The following STPG2 variants were observed in gnomAD, a reference collection of about 807,000 sequenced individuals.
The protein encoded by STPG2 is sperm tail PG-rich repeat containing 2.
STPG2 carries 56 observed loss-of-function variants against 54.2 expected under a neutral mutation model. The ratio of observed to expected loss-of-function variants is 1.03; its 90% confidence interval spans 0.83 to 1.29. STPG2 has a LOEUF of 1.29. Among genes scored for constraint, STPG2 ranks in the 50% most tolerant of loss-of-function variants. The pLI, the probability that STPG2 is intolerant of heterozygous loss-of-function variation, is 0.00. For synonymous variants in STPG2, 200 were observed against 181.8 expected (o/e 1.10, Z -0.81); for missense variants, 596 against 544.9 (o/e 1.09, Z -0.93).
chr4:97,504,448 A>G (rs895816407), intron 4 of STPG2, among the ~76,000 whole-genome samples: 5 of 151,778 alleles, frequency 3.3e-5, no homozygotes, highest in Admixed American at 6.6e-5. Flanking sequence ...AATGTGGGGG[A>G]AAGGAACAGC....
At chr4:97,846,621 C>T (rs183947590) in intron 8 of STPG2, among the ~76,000 whole-genome samples, 177 of 106,008 alleles carry the variant, frequency 1.7e-3, no homozygotes, top group African/African-American at 7.1e-3. Flanking sequence ...GAGACTCCAC[C>T]TCAAAAAAAA....
At chr4:97,989,025 G>A (rs1003856144) in intron 5 of STPG2, among the ~76,000 whole-genome samples, 5 of 152,096 alleles carry the variant, frequency 3.3e-5, no homozygotes, top group African/African-American at 1.2e-4. Flanking sequence ...TAATACAGAA[G>A]TATCTTTTAT....
intron 10 of STPG2, among the ~76,000 whole-genome samples, chr4:97,705,164 T>C (rs2149001048): frequency 6.6e-6 from 1 of 152,094 alleles, no homozygotes; most frequent in East Asian, 1.9e-4. Flanking sequence ...ACAATAAGCT[T>C]GACAAGGATA....
chr4:98,018,670 C>G (rs935500497), intron 5 of STPG2, among the ~76,000 whole-genome samples: 4 of 151,404 alleles, frequency 2.6e-5, no homozygotes, highest in African/African-American at 9.7e-5. Context: ...CACATCCTCT[C>G]CAGCACCTAT....
intron 4 of STPG2, among the ~76,000 whole-genome samples, chr4:97,529,521 C>CT (rs1359856676): frequency 1.3e-5 from 2 of 152,074 alleles, no homozygotes; most frequent in Non-Finnish European, 2.9e-5. Flanking sequence ...AGGAGTCCCT[C>CT]TTTTTCTATT....
intron 10 of STPG2, among the ~76,000 whole-genome samples, chr4:97,627,574 T>G (rs1038432435): frequency 1.3e-5 from 2 of 152,124 alleles, no homozygotes; most frequent in African/African-American, 4.8e-5. Flanking sequence ...CTTGAATAGT[T>G]TTCCTATACA....
chr4:97,506,019 C>CAAAAAAA (rs59206485), intron 4 of STPG2, among the ~76,000 whole-genome samples: 2 of 16,930 alleles, frequency 1.2e-4, no homozygotes, highest in African/African-American at 2.0e-4. Context: ...AATAGGAGAC[C>CAAAAAAA]AAAAAAAAAA....
chr4:97,597,230 G>T (rs1412793736), intron 10 of STPG2, among the ~76,000 whole-genome samples: 1 of 152,000 alleles, frequency 6.6e-6, no homozygotes, highest in Non-Finnish European at 1.5e-5. Context: ...TTCCTGAACA[G>T]ACCAATAATG....
At chr4:97,683,995 A>T (rs774282251) in intron 10 of STPG2, among the ~76,000 whole-genome samples, 3 of 151,876 alleles carry the variant, frequency 2.0e-5, no homozygotes, top group Non-Finnish European at 3.0e-5. Flanking sequence ...ATTAAAACAC[A>T]ATGCCATTTA....
At chr4:97,900,656 C>G (rs1469110474) in intron 8 of STPG2, among the ~76,000 whole-genome samples, 2 of 151,880 alleles carry the variant, frequency 1.3e-5, no homozygotes, top group African/African-American at 4.8e-5. Context: ...ATTATTCTTA[C>G]CAAACTAACA....
At chr4:98,070,669 A>G (rs1737975836) in intron 5 of STPG2, among the ~76,000 whole-genome samples, 1 of 152,122 alleles carries the variant, frequency 6.6e-6, no homozygotes, top group African/African-American at 2.4e-5. Context: ...ACAAAGTCTC[A>G]GGATACAAAA....
At chr4:97,655,459 A>C (rs984822448) in intron 10 of STPG2, among the ~76,000 whole-genome samples, 6 of 152,112 alleles carry the variant, frequency 3.9e-5, no homozygotes, top group African/African-American at 1.4e-4. Context: ...ATATGATAGA[A>C]CTATTAAACA....
In STPG2 at chr4:97,899,507, T is replaced by C. The variant is rs377083763; in HGVS notation, c.1044+44390A>G. Among the ~76,000 whole-genome samples, 3 of 151,910 alleles carry C rather than the reference T, an allele frequency of 2.0e-5. No homozygotes were observed. The South Asian group carries it at 6.2e-4, about 31-fold the overall frequency. ...ACATGAAACCAAAAAAGAATCCAAA[T>C]AGCCAAGGTAATTCTAAGCAAAAAG... On this transcript the variant is annotated intron_variant, in intron 8 of 10. Transcript: ENST00000295268.
intron 10 of STPG2, among the ~76,000 whole-genome samples, chr4:97,708,974 AATAGATATT>A (rs1724033641): frequency 6.6e-6 from 1 of 151,788 alleles, no homozygotes; most frequent in Non-Finnish European, 1.5e-5. Context: ...GTACTACTTG[AATAGATATT>A]TAAATGAAAC....
At chr4:97,857,723 C>T (rs182175832) in intron 8 of STPG2, among the ~76,000 whole-genome samples, 9 of 151,862 alleles carry the variant, frequency 5.9e-5, no homozygotes, top group Non-Finnish European at 1.0e-4. Context: ...CCCGGAAAAA[C>T]AGAGATATAT....
intron 8 of STPG2, among the ~76,000 whole-genome samples, chr4:97,858,725 T>C (rs1729413689): frequency 6.6e-6 from 1 of 152,184 alleles, no homozygotes; most frequent in Non-Finnish European, 1.5e-5. Context: ...TGAATGCCAT[T>C]ATTTCATTTC....
At chr4:97,809,098 T>C (rs1727660279) in intron 9 of STPG2, among the ~76,000 whole-genome samples, 1 of 152,052 alleles carries the variant, frequency 6.6e-6, no homozygotes, top group Non-Finnish European at 1.5e-5. Flanking sequence ...CATCTACAAC[T>C]GATAATTTAA....
intron 3 of STPG2, among the ~76,000 whole-genome samples, chr4:98,123,633 C>T (rs1036708313): frequency 1.3e-5 from 2 of 152,092 alleles, no homozygotes; most frequent in Admixed American, 1.3e-4. Context: ...AGATAAAGTG[C>T]CATGTAGTGC....
At chr4:97,886,146 T>C (rs1299104264) in intron 8 of STPG2, among the ~76,000 whole-genome samples, 1 of 152,142 alleles carries the variant, frequency 6.6e-6, no homozygotes, top group Non-Finnish European at 1.5e-5. Context: ...TAGCTACATA[T>C]GTAAAGAGCA....
Sources: gnomAD v4.1 joint callset for allele counts (sites outside exome capture counted in the v4.1 genomes callset) on GRCh38, gnomAD v4.1.1 for gene constraint, MANE v1.5 for transcripts, NCBI Gene and HGNC (gene_info 2026-07-23, HGNC 2026-07-21) for gene names.